DENND4A: variants seen among roughly 807,000 people sequenced by gnomAD.
The protein encoded by DENND4A is DENN domain containing 4A, also known as C-myc promoter-binding protein.
A neutral mutation model predicts 199.3 loss-of-function variants in DENND4A; 70 were observed. That is an observed-to-expected ratio of 0.35 (90% CI 0.29 to 0.43). The LOEUF (loss-of-function observed/expected upper bound fraction) is 0.43. Among genes scored for constraint, DENND4A ranks in the 20% least tolerant of loss-of-function variants. DENND4A has a pLI of 1.00. For missense variants in DENND4A, 1,723 were observed against 2,255.8 expected, an observed-to-expected ratio of 0.76 and a Z score of 4.78; for synonymous variants, 686 against 766.9, an observed-to-expected ratio of 0.89 and a Z score of 1.74.
intron 14 of DENND4A, among the ~76,000 whole-genome samples, chr15:65,709,713 A>ATATATAT (rs1481832532): frequency 8.9e-6 from 1 of 112,256 alleles, no homozygotes; most frequent in African/African-American, 3.2e-5. Context: ...AAAAAAAAAA[A>ATATATAT]AAAAAAATAT....
At chr15:65,668,318 C>T (rs2076110378) in intron 27 of DENND4A, among the ~76,000 whole-genome samples, 195 bp from the exon 28 acceptor site, 1 of 151,960 alleles carries the variant, frequency 6.6e-6, no homozygotes, top group Non-Finnish European at 1.5e-5. Context: ...AAGCGATCCT[C>T]CCACCTCAGC....
At chr15:65,763,302 G>A (rs2076899685) in intron 1 of DENND4A, among the ~76,000 whole-genome samples, 1 of 152,176 alleles carries the variant, frequency 6.6e-6, no homozygotes, top group Admixed American at 6.5e-5. Context: ...GCTACACCCA[G>A]ACACAAGATT....
chr15:65,785,961 C>G (rs1008036970), intron 1 of DENND4A, among the ~76,000 whole-genome samples: 7 of 151,932 alleles, frequency 4.6e-5, no homozygotes, highest in African/African-American at 1.7e-4. Flanking sequence ...AGTAAGAAAT[C>G]AAAGAATTTG....
chr15:65,762,645 G>T (rs2076881239), intron 1 of DENND4A, among the ~76,000 whole-genome samples: 1 of 152,036 alleles, frequency 6.6e-6, no homozygotes, highest in Non-Finnish European at 1.5e-5. Context: ...ATGAATGAAT[G>T]AATGATACAA....
rs554243996 is a variant in DENND4A, at chr15:65,756,438, T to G, written c.13A>C (p.Lys5Gln). ...AAGTAGTCAGCAACACGAGGCCCCT[T>G]GTCTTCAATCATCTTCCATTACAGA... MIED[K>Q]GPRVADYFVV... The change falls in exon 3 of 33, where the codon AAG becomes CAG. Residue 5 changes from lysine (K) to glutamine (Q), a missense_variant. By Grantham distance (53) the Lys-to-Gln change is moderately conservative. Coordinates refer to ENST00000443035, the MANE Select transcript of DENND4A (RefSeq NM_001320835.1). The G allele has an allele frequency of 6.2e-7, 1 of 1,606,694 alleles. No individual in the cohort carries two copies. The highest frequency in any genetic ancestry group is 1.7e-5 in the Admixed American group (1 of 58,528).
At chr15:65,781,425 A>C (rs1012073826) in intron 1 of DENND4A, among the ~76,000 whole-genome samples, 11 of 152,224 alleles carry the variant, frequency 7.2e-5, no homozygotes, top group Non-Finnish European at 1.5e-4. Context: ...AAAACTACGA[A>C]AAAGTAAGGA....
chr15:65,733,006 C>G (rs979520412), intron 7 of DENND4A, among the ~76,000 whole-genome samples, 188 bp from the exon 8 acceptor site: 1 of 152,174 alleles, frequency 6.6e-6, no homozygotes, highest in African/African-American at 2.4e-5. Context: ...TGCCTAAACC[C>G]AGTGACTTTT....
chr15:65,720,860 C>T (rs1227086359), intron 12 of DENND4A, among the ~76,000 whole-genome samples: 1 of 148,026 alleles, frequency 6.8e-6, no homozygotes, highest in Non-Finnish European at 1.5e-5. Context: ...GCGTTAGAGT[C>T]CTTAATTATC....
intron 14 of DENND4A, among the ~76,000 whole-genome samples, chr15:65,710,828 C>A (rs1009421596): frequency 2.0e-5 from 3 of 152,180 alleles, no homozygotes; most frequent in East Asian, 1.9e-4. Context: ...CAAGTGAGTT[C>A]TCTCGAGATC....
chr15:65,708,103 C>G (rs2075123624), intron 14 of DENND4A, among the ~76,000 whole-genome samples: 1 of 151,830 alleles, frequency 6.6e-6, no homozygotes, highest in Non-Finnish European at 1.5e-5. Context: ...CTCAAGTGAT[C>G]CTCCTGCCTT....
chr15:65,705,659 A>G (rs1280425873), intron 15 of DENND4A, among the ~76,000 whole-genome samples: 1 of 152,208 alleles, frequency 6.6e-6, no homozygotes, highest in Non-Finnish European at 1.5e-5. Context: ...TATCGTACAA[A>G]TCAAGGCCAC....
intron 12 of DENND4A, among the ~76,000 whole-genome samples, chr15:65,718,578 A>G (rs1484413872): frequency 1.3e-5 from 2 of 151,974 alleles, no homozygotes; most frequent in African/African-American, 4.8e-5. Context: ...GACCTGACAT[A>G]CGAATAAGGA....
chr15:65,716,305 T>C lies in DENND4A; in HGVS notation c.1808-682A>G, dbSNP rs1235366794. Among the ~76,000 whole-genome samples the C allele has an allele frequency of 2.0e-5, 3 of 151,886 alleles. No individual in the cohort carries two copies. The East Asian group carries it at 5.8e-4, about 29-fold the overall frequency. On this transcript the variant is annotated intron_variant, in intron 13 of 32. Coordinates refer to ENST00000443035, the MANE Select transcript of DENND4A (RefSeq NM_001320835.1). ...ACATGTGCACAATGTGCAGGTTTGT[T>C]ACATATGTATACATGTGCCATGTTG...
chr15:65,788,210 G>A (rs527928221), intron 1 of DENND4A, among the ~76,000 whole-genome samples: 4 of 151,962 alleles, frequency 2.6e-5, no homozygotes, highest in Admixed American at 2.6e-4. Context: ...CCGAGTAGCT[G>A]GGACTACAGG....
chr15:65,699,428 G>T (rs2077269505), intron 20 of DENND4A, among the ~76,000 whole-genome samples: 1 of 151,706 alleles, frequency 6.6e-6, no homozygotes, highest in South Asian at 2.1e-4. Context: ...TGTGTCAATT[G>T]TAATAATAGT....
chr15:65,772,522 T>C (rs1223301860), intron 1 of DENND4A, among the ~76,000 whole-genome samples: 1 of 151,410 alleles, frequency 6.6e-6, no homozygotes, highest in Non-Finnish European at 1.5e-5. Context: ...GCCTGACCAA[T>C]ATGGTGAAAC....
At position 65,669,943 on chromosome 15, in the gene DENND4A, G is replaced by C. The variant is rs928074098; in HGVS notation, c.4641-18C>G. The C allele has an allele frequency of 1.2e-6, 2 of 1,610,780 alleles. No homozygotes were observed. Among genetic ancestry groups the C allele is most frequent in the Non-Finnish European group, 1.7e-6 (2 of 1,177,672 alleles). On this transcript the variant is annotated intron_variant, in intron 26 of 32. Transcript: ENST00000443035. The stretch of plus-strand genomic sequence containing the variant: ...GAAAGTATCTGTAATGTGAATCGAA[G>C]GAACTTTTTGAGAAAAGAGATATTA...
chr15:65,697,765 T>C (rs2077197342), intron 20 of DENND4A, among the ~76,000 whole-genome samples: 1 of 152,194 alleles, frequency 6.6e-6, no homozygotes, highest in Non-Finnish European at 1.5e-5. Flanking sequence ...CTGTAAAGAA[T>C]TTATAACAGA....
At chr15:65,676,713 A>T in intron 23 of DENND4A, 79 bp from the exon 24 acceptor site, 1 of 1,100,036 alleles carries the variant, frequency 9.1e-7, no homozygotes, top group Non-Finnish European at 1.2e-6. Context: ...GGCAGAAAAA[A>T]CACTTATCAC....
Sources: allele counts gnomAD v4.1 joint callset (sites outside exome capture counted in the v4.1 genomes callset), GRCh38; gene constraint gnomAD v4.1.1; transcripts MANE v1.5; gene names NCBI Gene and HGNC (gene_info 2026-07-23, HGNC 2026-07-21).